Variants in WIZ observed in about 807,000 individuals in gnomAD.
The protein encoded by WIZ is protein Wiz.
In WIZ, 25 loss-of-function variants were observed where a neutral mutation model predicts 140.2. The ratio of observed to expected loss-of-function variants is 0.18; its 90% CI spans 0.13 to 0.25. WIZ has a LOEUF of 0.25. Ranked by LOEUF, WIZ falls within the 10% of genes least tolerant of loss-of-function variation. The probability of loss-of-function intolerance (pLI) is 1.00; values close to 1 mark genes in which losing one functional copy is unlikely to be tolerated. For synonymous variants in WIZ, 1,125 were observed against 1,154.3 expected, an observed-to-expected ratio of 0.97 and a Z score of 0.51; for missense variants, 2,231 against 2,632.6, an observed-to-expected ratio of 0.85 and a Z score of 3.34.
Position 15,422,876 on chromosome 19 carries a change from A to G in WIZ, c.*200T>C. On this transcript the variant is annotated 3_prime_UTR_variant, in exon 13 of 13. Transcript: ENST00000673675. ...CTGAAGGAAGACACCCTGTGGCCCC[A>G]GAGTCCTCGGGCTGGGGGAAGGGCA... 1.4e-6 allele frequency: 1 copy of G among 727,158 alleles called. No individual in the cohort carries two copies. 45.0% of individuals were successfully genotyped at this position (727,158 alleles called of 1,614,324 possible). A position where few individuals can be genotyped will look rare whatever the true frequency, so the allele number is the denominator to read the frequency against.
intron 6 of WIZ, among the ~76,000 whole-genome samples, chr19:15,430,455 C>G (rs1328216848): frequency 1.3e-5 from 2 of 152,196 alleles, no homozygotes; most frequent in Non-Finnish European, 2.9e-5. Flanking sequence ...GAACTAAGTT[C>G]TAACCACCCT....
intron 2 of WIZ, among the ~76,000 whole-genome samples, chr19:15,445,230 C>T (rs1386786003): frequency 1.3e-5 from 2 of 152,228 alleles, no homozygotes; most frequent in African/African-American, 2.4e-5. Flanking sequence ...GCAGCCTGAA[C>T]TCCAAGCCTG....
rs149042084 is a variant in WIZ, at chr19:15,427,932, C to T, written c.3814+178G>A. 5.3e-3 allele frequency among the ~76,000 whole-genome samples: 810 copies of T among 152,240 alleles called. 8 individuals are homozygous for T. The highest frequency in any genetic ancestry group is 0.018 in the African/African-American group (760 of 41,560). ...CATTCTCAGGAAGGGTCATGGAGGT[C>T]AAAGGCCAAGAGAGAGGGCCTAGCA... is the stretch of plus-strand genomic sequence containing the variant. On this transcript the variant is annotated intron_variant, in intron 8 of 12. Transcript: ENST00000673675. This position sits in a 1 kb window ranked among gnomAD's most constrained non-coding sequence, Gnocchi z 6.4.
rs1969795582 is a variant in WIZ at position 15,442,957 on chromosome 19, G to T, written c.206-209C>A. 6.6e-6 allele frequency among the ~76,000 whole-genome samples: 1 copy of T among 152,116 alleles called. No homozygotes were observed. Reference sequence around the variant, plus strand: ...CTTGGCTCTCCTGGGGGACCCCAGGGCCTTGCTGCCTTCCAACCCTCCTCT... The same window carrying T: ...CTTGGCTCTCCTGGGGGACCCCAGGTCCTTGCTGCCTTCCAACCCTCCTCT... On this transcript the variant is annotated intron_variant, in intron 2 of 12. Transcript: ENST00000673675. The surrounding 1 kb of genome is among the most constrained non-coding windows in gnomAD (Gnocchi z 5.5).
chr19:15,429,882 G>T lies in WIZ; in HGVS notation c.3119C>A (p.Ser1040Tyr). The T allele has an allele frequency of 6.5e-7, 1 of 1,535,560 alleles. No individual in the cohort carries two copies. The highest frequency in any genetic ancestry group is 8.7e-7 in the Non-Finnish European group (1 of 1,146,558). The part of the protein sequence containing the change: ...LGLPPGLAKK[S>Y]SSLKEVVAGA... ...GGCGACCACCTCCTTCAGTGAGCTG[G>T]ACTTCTTAGCCAGGCCTGGGGGCAG... The change falls in exon 7 of 13, where the codon TCC becomes TAC. Residue 1040 changes from serine (S) to tyrosine (Y), a missense_variant. Around this residue, in one of 15 missense-constraint regions of WIZ, gnomAD observed 163 missense variants for 166.8 expected, o/e 0.98. Transcript: ENST00000673675.
intron 5 of WIZ, among the ~76,000 whole-genome samples, chr19:15,435,705 C>T (rs779653474): frequency 6.6e-6 from 1 of 151,846 alleles, no homozygotes; most frequent in African/African-American, 2.4e-5. Flanking sequence ...TGGTGGTGCA[C>T]GCCTGTAATC....
chr19:15,433,740 A>G (rs552216543), intron 5 of WIZ, among the ~76,000 whole-genome samples: 135 of 152,296 alleles, frequency 8.9e-4, no homozygotes, highest in African/African-American at 3.1e-3. Flanking sequence ...AGCAGCCTTT[A>G]GCAGAAGCAA....
intron 5 of WIZ, 148 bp from the exon 6 acceptor site, chr19:15,431,330 C>A (rs1969223607): frequency 1.9e-6 from 2 of 1,029,150 alleles, no homozygotes; most frequent in Non-Finnish European, 2.7e-6. Flanking sequence ...CCACCATAAC[C>A]CCCAGCACCA....
At chr19:15,429,240 G>A (rs1969061764) in intron 7 of WIZ, among the ~76,000 whole-genome samples, 1 of 152,166 alleles carries the variant, frequency 6.6e-6, no homozygotes. Flanking sequence ...GAGAAAGCTA[G>A]GCCACAGGAA....
intron 2 of WIZ, among the ~76,000 whole-genome samples, chr19:15,444,383 A>C (rs548226640): frequency 3.0e-4 from 46 of 152,238 alleles, no homozygotes; most frequent in African/African-American, 1.1e-3. Flanking sequence ...AATTTGCATC[A>C]TCTACAGCGC....
chr19:15,449,643 G>C lies in WIZ; in HGVS notation c.-61+155C>G, dbSNP rs1599724119. On this transcript the variant is annotated intron_variant, in intron 1 of 12. Transcript: ENST00000673675. ...AAGACCCCCGCCCCTCCCCCCACCT[G>C]CACGGCCCCGCCCCCGGCCAGGCCC... is the stretch of plus-strand genomic sequence containing the variant. 4 of 105,974 alleles carry C rather than the reference G, an allele frequency of 3.8e-5. 1 individual carries two copies. The highest frequency in any genetic ancestry group is 2.8e-4 in the South Asian group (1 of 3,536). 6.6% of individuals were successfully genotyped at this position (105,974 alleles called of 1,614,324 possible).
In WIZ at chr19:15,440,669, G is replaced by T; in HGVS notation, c.325C>A (p.Pro109Thr). The change falls in exon 4 of 13, where the codon CCC (proline) becomes ACC (threonine). Residue 109 changes from proline (P) to threonine (T), a missense_variant. Physicochemically the swap from Pro to Thr is conservative, Grantham distance 38. Coordinates refer to ENST00000673675, the MANE Select transcript of WIZ (RefSeq NM_001371589.1). The surrounding 1 kb of genome is among the most constrained non-coding windows in gnomAD (Gnocchi z 6.2). ...SLDFRPGSPP[P>T]HLLGHFPGTP... is the part of the protein sequence containing the mutation. ...CCTGGGAAATGGCCCAGGAGATGGGGTGGTGGGGAGCCCGGCCGGAAGTCC... is the reference window on the plus strand; with the variant it reads ...CCTGGGAAATGGCCCAGGAGATGGGTTGGTGGGGAGCCCGGCCGGAAGTCC... The T allele has an allele frequency of 6.6e-7, 1 of 1,519,550 alleles. No homozygotes were observed. The highest frequency in any genetic ancestry group is 8.8e-7 in the Non-Finnish European group (1 of 1,135,478). The allele number at this position is 1,519,550 out of a possible 1,614,324, so 94.1% of individuals were successfully genotyped here. A position where few individuals can be genotyped will look rare whatever the true frequency, so the allele number is the denominator to read the frequency against.
chr19:15,435,504 T>C (rs973747061), intron 5 of WIZ, among the ~76,000 whole-genome samples: 9 of 152,186 alleles, frequency 5.9e-5, no homozygotes, highest in Admixed American at 3.3e-4. Context: ...TGGAGTAGCA[T>C]ATCAGGTCTG....
chr19:15,448,160 G>A lies in WIZ; in HGVS notation c.148C>T (p.Leu50=). ...EGGIFRSTRY[L]PVTKEGPRDI... ...CGGGGGCCCTCCTTGGTGACAGGCA[G>A]GTAACGGGTGGACCGGAAGATGCCA... Residue 50 remains leucine (L), a synonymous_variant, in exon 2 of 13, where the codon CTG becomes TTG. Coordinates refer to ENST00000673675, the MANE Select transcript of WIZ (RefSeq NM_001371589.1). The A allele has an allele frequency of 1.2e-6, 2 of 1,613,060 alleles. No homozygotes were observed. Among genetic ancestry groups the A allele is most frequent in the Admixed American group, 1.7e-5 (1 of 59,902 alleles).
At chr19:15,434,773 A>G (rs761646386) in intron 5 of WIZ, among the ~76,000 whole-genome samples, 1 of 151,764 alleles carries the variant, frequency 6.6e-6, no homozygotes, top group African/African-American at 2.4e-5. Flanking sequence ...TCACTTGTCC[A>G]CTCCCTTTGC....
chr19:15,423,369 G>T, intron 12 of WIZ, 134 bp from the exon 13 acceptor site: 1 of 1,129,494 alleles, frequency 8.9e-7, no homozygotes, highest in Non-Finnish European at 1.2e-6. Flanking sequence ...GGGGAAGAGG[G>T]ACCCAGAAGT....
chr19:15,441,230 G>A (rs561253718), intron 3 of WIZ, among the ~76,000 whole-genome samples: 1 of 151,720 alleles, frequency 6.6e-6, no homozygotes, highest in Admixed American at 6.6e-5. Flanking sequence ...CAGAAAGGCA[G>A]AGTCAGGAGA....
Position 15,438,803 on chromosome 19 carries a change from C to G in WIZ, c.2191G>C (p.Gly731Arg). The part of the protein sequence containing the change: ...LLDAPLGGPL[G>R]LDTLLDGDPA... ...TCCCCATCCAGGAGTGTGTCCAGCCCCAGCGGGCCGCCCAGCGGCGCGTCC... is the reference window on the plus strand; with the variant it reads ...TCCCCATCCAGGAGTGTGTCCAGCCGCAGCGGGCCGCCCAGCGGCGCGTCC... Residue 731 changes from glycine to arginine, a missense_variant, in exon 4 of 13, where the codon GGG becomes CGG. By Grantham distance (125) the Gly-to-Arg change is moderately radical (BLOSUM62 -2). Around this residue, in one of 15 missense-constraint regions of WIZ, gnomAD observed 118 missense variants for 209.1 expected, o/e 0.56. Coordinates refer to ENST00000673675, the MANE Select transcript of WIZ (RefSeq NM_001371589.1). 1 of 1,518,574 alleles carries G rather than the reference C, an allele frequency of 6.6e-7. No individual in the cohort carries two copies. The highest frequency in any genetic ancestry group is 8.8e-7 in the Non-Finnish European group (1 of 1,133,178). The allele number at this position is 1,518,574 out of a possible 1,614,324, so 94.1% of individuals were successfully genotyped here. A position where few individuals can be genotyped will look rare whatever the true frequency, so the allele number is the denominator to read the frequency against.
At chr19:15,438,159 C>A (rs1430376252) in intron 4 of WIZ, among the ~76,000 whole-genome samples, 2 of 152,202 alleles carry the variant, frequency 1.3e-5, no homozygotes, top group Non-Finnish European at 2.9e-5. Flanking sequence ...ACCTTACAGG[C>A]AGCCCCAGGG....
Sources: allele counts gnomAD v4.1 joint callset (sites outside exome capture counted in the v4.1 genomes callset), GRCh38; gene constraint gnomAD v4.1.1; regional missense constraint gnomAD v4.1.1; non-coding constraint Gnocchi (gnomAD v3.1); transcripts MANE v1.5; gene names NCBI Gene and HGNC (gene_info 2026-07-23, HGNC 2026-07-21).